FCN2: variants seen among roughly 807,000 people sequenced by gnomAD.
The protein encoded by FCN2 is ficolin 2.
In FCN2, 31 loss-of-function variants were observed where a neutral mutation model predicts 32.5. The observed-to-expected ratio is 0.96, with a 90% CI of 0.72 to 1.29. The LOEUF (loss-of-function observed/expected upper bound fraction) is 1.29, where lower values mean the gene tolerates loss of function less well. FCN2 is among the 50% of genes most tolerant of loss of function. The probability of loss-of-function intolerance (pLI) is 0.00; values close to 1 mark genes in which losing one functional copy is unlikely to be tolerated. For synonymous variants in FCN2, 181 were observed against 164.5 expected (o/e 1.10, Z -0.77); for missense variants, 412 against 406.5 (o/e 1.01, Z -0.12).
chr9:134,864,428 C>T, the FCN2 span, among the ~76,000 whole-genome samples: 2 of 152,194 alleles, frequency 1.3e-5, no homozygotes, highest in South Asian at 4.1e-4. Context: ...CTGAGGCTGT[C>T]TCCACCGCCA....
At chr9:134,869,347 G>C in the FCN2 span, among the ~76,000 whole-genome samples, 1 of 152,234 alleles carries the variant, frequency 6.6e-6, no homozygotes, top group African/African-American at 2.4e-5. Context: ...GCTTCCTCTT[G>C]GAATTAGCCA....
the FCN2 span, among the ~76,000 whole-genome samples, chr9:134,868,023 G>T: frequency 6.6e-6 from 1 of 152,192 alleles, no homozygotes; most frequent in Non-Finnish European, 1.5e-5. The surrounding 1 kb of genome is among the most constrained non-coding windows in gnomAD (Gnocchi z 4.3). Flanking sequence ...AAAGCTCAGA[G>T]GAGTTAAGTG....
chr9:134,870,092 C>T, the FCN2 span, among the ~76,000 whole-genome samples: 1 of 152,222 alleles, frequency 6.6e-6, no homozygotes, highest in Non-Finnish European at 1.5e-5. This position sits in a 1 kb window ranked among gnomAD's most constrained non-coding sequence, Gnocchi z 4.3. Context: ...CAGGGTTCCT[C>T]TGCCCAAGGG....
intron 5 of FCN2, 112 bp from the exon 6 acceptor site, chr9:134,885,656 C>T: frequency 1.4e-6 from 2 of 1,459,244 alleles, no homozygotes; most frequent in Non-Finnish European, 1.9e-6. Flanking sequence ...GCTGGTGACC[C>T]CGCCTGTGAT....
the FCN2 span, among the ~76,000 whole-genome samples, chr9:134,867,302 A>G: frequency 3.3e-5 from 5 of 151,408 alleles, no homozygotes; most frequent in African/African-American, 1.2e-4. Context: ...ATGGAATACT[A>G]TGCAGCCATA....
the FCN2 span, among the ~76,000 whole-genome samples, chr9:134,874,885 A>G: frequency 6.6e-6 from 1 of 152,222 alleles, no homozygotes; most frequent in African/African-American, 2.4e-5. Flanking sequence ...GTCCAACAAT[A>G]TCTTGTAGTT....
the FCN2 span, among the ~76,000 whole-genome samples, chr9:134,872,242 C>G: frequency 6.6e-6 from 1 of 152,094 alleles, no homozygotes; most frequent in Non-Finnish European, 1.5e-5. Flanking sequence ...GAGTCGTACC[C>G]CGTGGATGGA....
chr9:134,870,316 G>A, the FCN2 span, among the ~76,000 whole-genome samples: 1 of 152,292 alleles, frequency 6.6e-6, no homozygotes, highest in African/African-American at 2.4e-5. This position sits in a 1 kb window ranked among gnomAD's most constrained non-coding sequence, Gnocchi z 4.3. Flanking sequence ...CCGGCCTAGT[G>A]TGGGTGCAGA....
At chr9:134,871,877 C>A in the FCN2 span, among the ~76,000 whole-genome samples, 1 of 152,176 alleles carries the variant, frequency 6.6e-6, no homozygotes, top group Non-Finnish European at 1.5e-5. Context: ...ACCAGCACCA[C>A]AATTGAGACA....
At chr9:134,877,066 T>G (rs1297674971), upstream of FCN2, among the ~76,000 whole-genome samples, 1 of 152,268 alleles carries the variant, frequency 6.6e-6, no homozygotes, top group African/African-American at 2.4e-5. Flanking sequence ...TTTTTTCTCT[T>G]TTCTTCAGTC....
rs371833675 is a variant in FCN2, at chr9:134,886,517, C to A, written c.647C>A (p.Ala216Glu). 3.4e-5 allele frequency: 55 copies of A among 1,613,994 alleles called. No individual in the cohort carries two copies. The highest frequency in any genetic ancestry group is 4.5e-5 in the Non-Finnish European group (53 of 1,180,020). The change falls in exon 7 of 8, where the codon GCG becomes GAG. Residue 216 changes from alanine (A) to glutamate (E), a missense_variant. By Grantham distance (107) the Ala-to-Glu change is moderately radical. Coordinates refer to ENST00000291744, the MANE Select transcript of FCN2 (RefSeq NM_004108.3). ...KYRSFKVADE[A>E]EKYNLVLGAF... ...AGATCATTCAAGGTGGCCGACGAGG[C>A]GGAGAAGTACAATCTGGTCCTGGGG...
chr9:134,883,868 G>A (rs1299875550), intron 3 of FCN2, among the ~76,000 whole-genome samples: 1 of 126,964 alleles, frequency 7.9e-6, no homozygotes, highest in South Asian at 3.1e-4. Flanking sequence ...GGGGCTGTCT[G>A]TATGGGGGGG....
chr9:134,886,378 G>A, intron 6 of FCN2, 52 bp from the exon 7 acceptor site: 2 of 1,611,156 alleles, frequency 1.2e-6, no homozygotes, highest in Middle Eastern at 1.7e-4. Context: ...CAGCTCCCAT[G>A]TCTAAAGGTA....
At chr9:134,871,265 C>A in the FCN2 span, among the ~76,000 whole-genome samples, 1 of 152,192 alleles carries the variant, frequency 6.6e-6, no homozygotes, top group South Asian at 2.1e-4. Flanking sequence ...CGCGGCTTGG[C>A]CACTGAGTGT....
chr9:134,886,124 C>A (rs1451574978), intron 6 of FCN2, among the ~76,000 whole-genome samples: 1 of 152,166 alleles, frequency 6.6e-6, no homozygotes, highest in Non-Finnish European at 1.5e-5. Flanking sequence ...CTCTTCAGGT[C>A]TTGGCCCCAC....
chr9:134,877,011 A>T (rs1464104890), upstream of FCN2, among the ~76,000 whole-genome samples: 1 of 152,186 alleles, frequency 6.6e-6, no homozygotes, highest in African/African-American at 2.4e-5. Context: ...ATATGTAGTG[A>T]GGTCATTGAT....
the FCN2 span, among the ~76,000 whole-genome samples, chr9:134,871,522 A>G: frequency 4.6e-5 from 7 of 152,262 alleles, no homozygotes; most frequent in African/African-American, 1.7e-4. Flanking sequence ...CTGAGCCCAC[A>G]CCTAGTCCTC....
chr9:134,884,554 C>T (rs7023162), intron 3 of FCN2, among the ~76,000 whole-genome samples, 186 bp from the exon 4 acceptor site: 3,641 of 152,266 alleles, frequency 0.024, 77 homozygotes, highest in South Asian at 0.061. Context: ...GGTGGAGGGG[C>T]CAGTGTAGGC....
chr9:134,865,847 GACAA>G, the FCN2 span, among the ~76,000 whole-genome samples: 1 of 152,040 alleles, frequency 6.6e-6, no homozygotes, highest in Non-Finnish European at 1.5e-5. Flanking sequence ...ACCAACAACA[GACAA>G]ACAGAGAGCC....
Sources: allele counts gnomAD v4.1 joint callset (sites outside exome capture counted in the v4.1 genomes callset), GRCh38; gene constraint gnomAD v4.1.1; non-coding constraint Gnocchi (gnomAD v3.1); transcripts MANE v1.5; gene names NCBI Gene and HGNC (gene_info 2026-07-23, HGNC 2026-07-21).